Variants in ELAVL1 observed in about 807,000 individuals in gnomAD.
ELAVL1 encodes the protein ELAV like RNA binding protein 1.
A neutral mutation model predicts 28.4 loss-of-function variants in ELAVL1; 1 was observed. That is an observed-to-expected ratio of 0.04 (90% CI 0.01 to 0.17). ELAVL1 has a LOEUF of 0.17. Among genes scored for constraint, ELAVL1 ranks in the 10% least tolerant of loss-of-function variants. The probability of loss-of-function intolerance (pLI) is 1.00; values close to 1 mark genes in which losing one functional copy is unlikely to be tolerated. For missense variants in ELAVL1, 157 were observed against 447.2 expected (o/e 0.35, Z 5.85); for synonymous variants, 174 against 183.5 (o/e 0.95, Z 0.42).
chr19:7,964,095 T>C (rs2145198586), intron 5 of ELAVL1, among the ~76,000 whole-genome samples: 1 of 152,278 alleles, frequency 6.6e-6, no homozygotes, highest in Non-Finnish European at 1.5e-5. Context: ...GTTCCTGCGG[T>C]TCCCCACATT....
At chr19:8,001,303 C>T (rs1568318328) in intron 1 of ELAVL1, among the ~76,000 whole-genome samples, 1 of 152,222 alleles carries the variant, frequency 6.6e-6, no homozygotes, top group Non-Finnish European at 1.5e-5. Context: ...CATAGCCCCA[C>T]CTGTCCCCCA....
intron 2 of ELAVL1, among the ~76,000 whole-genome samples, chr19:7,985,709 G>A (rs1985582276): frequency 6.6e-6 from 1 of 152,240 alleles, no homozygotes; most frequent in Non-Finnish European, 1.5e-5. Context: ...TGGAGAGGGT[G>A]TGGGTGGGAG....
chr19:7,964,334 G>A (rs1023257951), intron 5 of ELAVL1, among the ~76,000 whole-genome samples: 4 of 152,130 alleles, frequency 2.6e-5, no homozygotes, highest in African/African-American at 4.8e-5. Flanking sequence ...GCCACTTGTA[G>A]GGCACAAGAA....
At position 7,979,208 on chromosome 19, in the gene ELAVL1, G is replaced by A. The variant is rs971773053; in HGVS notation, c.276+1875C>T. On this transcript the variant is annotated intron_variant, in intron 3 of 5. Coordinates refer to ENST00000407627, the MANE Select transcript of ELAVL1 (RefSeq NM_001419.3). This position sits in a 1 kb window ranked among gnomAD's most constrained non-coding sequence, Gnocchi z 5.4. ...GGCCTGTTTCTGCAGAACTAGGACA[G>A]TGGTGTGAAGCCACTGAGAAGCAGA... 6.6e-6 allele frequency among the ~76,000 whole-genome samples: 1 copy of A among 152,256 alleles called. No individual in the cohort carries two copies. The highest frequency in any genetic ancestry group is 2.4e-5 in the African/African-American group (1 of 41,480).
intron 1 of ELAVL1, among the ~76,000 whole-genome samples, chr19:7,996,526 G>A (rs2081049722): frequency 6.6e-6 from 1 of 151,444 alleles, no homozygotes; most frequent in Admixed American, 6.6e-5. Flanking sequence ...ACAGAAGCAG[G>A]CTAGTGTGCT....
intron 3 of ELAVL1, 90 bp downstream of exon 3, chr19:7,980,993 C>T: frequency 7.6e-7 from 1 of 1,311,160 alleles, no homozygotes. Flanking sequence ...GCTCATAGTC[C>T]CTTGGAGAGT....
In ELAVL1 at chr19:7,963,195, C is replaced by T. The variant is rs1355982792; in HGVS notation, c.*288G>A. The T allele has an allele frequency of 2.6e-6, 1 of 379,216 alleles. No individual in the cohort carries two copies. The highest frequency in any genetic ancestry group is 2.1e-5 in the African/African-American group (1 of 48,514). The allele number at this position is 379,216 out of a possible 1,614,324, so 23.5% of individuals were successfully genotyped here. On this transcript the variant is annotated 3_prime_UTR_variant, in exon 6 of 6. Transcript: ENST00000407627. The surrounding 1 kb of genome is among the most constrained non-coding windows in gnomAD (Gnocchi z 4.5). ...GAGGTTAAAGCATGCTTCAGGTTCA[C>T]CACCATCCAGAGGGACTGGTTAGTC...
At chr19:7,974,046 A>G (rs1599668103) in intron 3 of ELAVL1, among the ~76,000 whole-genome samples, 168 bp from the exon 4 acceptor site, 1 of 152,236 alleles carries the variant, frequency 6.6e-6, no homozygotes, top group Non-Finnish European at 1.5e-5. Flanking sequence ...TGGCAAGCTC[A>G]CTGAGGGATG....
intron 1 of ELAVL1, among the ~76,000 whole-genome samples, chr19:7,995,713 T>C (rs972621911): frequency 6.6e-6 from 1 of 151,918 alleles, no homozygotes; most frequent in Non-Finnish European, 1.5e-5. Flanking sequence ...TAAAATTTCT[T>C]GGAGAAAAAT....
intron 1 of ELAVL1, among the ~76,000 whole-genome samples, chr19:7,994,475 C>T (rs188691943): frequency 4.6e-5 from 7 of 152,286 alleles, no homozygotes; most frequent in Admixed American, 2.6e-4. Flanking sequence ...AAAGAAGAGA[C>T]GTAACCAAGA....
At chr19:7,969,146 C>T (rs951713262) in intron 4 of ELAVL1, among the ~76,000 whole-genome samples, 2 of 152,100 alleles carry the variant, frequency 1.3e-5, no homozygotes, top group Admixed American at 1.3e-4. Context: ...GCAAGAGAAT[C>T]GCCTGAGGCC....
intron 2 of ELAVL1, among the ~76,000 whole-genome samples, chr19:7,989,154 C>G (rs1985688870): frequency 6.6e-6 from 1 of 152,168 alleles, no homozygotes; most frequent in South Asian, 2.1e-4. Flanking sequence ...AAGCCGTTGG[C>G]TGGGGAGAGG....
chr19:7,963,580 T>C lies in ELAVL1; in HGVS notation c.884A>G (p.Tyr295Cys). 6.2e-7 allele frequency: 1 copy of C among 1,614,270 alleles called. No homozygotes were observed. The highest frequency in any genetic ancestry group is 8.5e-7 in the Non-Finnish European group (1 of 1,180,046). ...KGFGFVTMTN[Y>C]EEAAMAIASL... Reference sequence around the variant, plus strand: ...GGCTATGGCCATCGCGGCTTCTTCATAGTTTGTCATGGTCACAAAGCCAAA... The same window carrying C: ...GGCTATGGCCATCGCGGCTTCTTCACAGTTTGTCATGGTCACAAAGCCAAA... Residue 295 changes from tyrosine (Y) to cysteine (C), a missense_variant, in exon 6 of 6, where the codon TAT (tyrosine) becomes TGT (cysteine). Tyr to Cys is a radical substitution (Grantham distance 194). Around this residue, in one of 4 missense-constraint regions of ELAVL1, gnomAD observed 107 missense variants for 310.4 expected, o/e 0.34. Transcript: ENST00000407627. The surrounding 1 kb of genome is among the most constrained non-coding windows in gnomAD (Gnocchi z 4.5).
intron 2 of ELAVL1, among the ~76,000 whole-genome samples, chr19:7,987,489 G>A (rs963985832): frequency 6.6e-6 from 1 of 152,122 alleles, no homozygotes; most frequent in Non-Finnish European, 1.5e-5. Flanking sequence ...ACCAACCAAC[G>A]CCATATCCCC....
chr19:7,978,161 C>T (rs34437435), intron 3 of ELAVL1, among the ~76,000 whole-genome samples: 10,385 of 152,330 alleles, frequency 0.068, 353 homozygotes, highest in African/African-American at 0.075. Context: ...GGCCCTAGCC[C>T]GTATTGTCAT....
chr19:7,970,931 C>A (rs897224610), intron 4 of ELAVL1, among the ~76,000 whole-genome samples: 1 of 152,218 alleles, frequency 6.6e-6, no homozygotes, highest in Non-Finnish European at 1.5e-5. Flanking sequence ...GCCTGCCACA[C>A]ACACTCTGTC....
At chr19:7,966,619 A>G (rs1389768774) in intron 5 of ELAVL1, among the ~76,000 whole-genome samples, 1 of 152,162 alleles carries the variant, frequency 6.6e-6, no homozygotes, top group African/African-American at 2.4e-5. Context: ...TGAGACGTTC[A>G]TTATTCATTT....
chr19:7,973,903 G>T lies in ELAVL1; in HGVS notation c.277-25C>A, dbSNP rs376952270. On this transcript the variant is annotated intron_variant, in intron 3 of 5. Coordinates refer to ENST00000407627, the MANE Select transcript of ELAVL1 (RefSeq NM_001419.3). ...CCTTGGGAACACAACCACTTTCCGAGATTAGTACAGGCACGTGGCCAAAGC... is the reference window on the plus strand; with the variant it reads ...CCTTGGGAACACAACCACTTTCCGATATTAGTACAGGCACGTGGCCAAAGC... 5 of 1,612,790 alleles carry T rather than the reference G, an allele frequency of 3.1e-6. No homozygotes were observed. In the African/African-American group the frequency reaches 6.7e-5, roughly 22 times the overall value.
chr19:8,000,836 G>A (rs1257735195), intron 1 of ELAVL1, among the ~76,000 whole-genome samples: 1 of 152,254 alleles, frequency 6.6e-6, no homozygotes, highest in Non-Finnish European at 1.5e-5. Flanking sequence ...CCCGGGGCAG[G>A]AGCAGGTCAG....
Sources: allele counts gnomAD v4.1 joint callset (sites outside exome capture counted in the v4.1 genomes callset), GRCh38; gene constraint gnomAD v4.1.1; regional missense constraint gnomAD v4.1.1; non-coding constraint Gnocchi (gnomAD v3.1); transcripts MANE v1.5; gene names NCBI Gene and HGNC (gene_info 2026-07-23, HGNC 2026-07-21).